Variants in PCGF5 observed in about 807,000 individuals in gnomAD.
PCGF5 encodes the protein polycomb group ring finger 5, also known as polycomb group RING finger protein 5.
PCGF5 carries 9 observed loss-of-function variants against 44.3 expected under a neutral mutation model. The observed-to-expected ratio is 0.20, with a 90% CI of 0.12 to 0.35. The LOEUF (loss-of-function observed/expected upper bound fraction) is 0.35. Among genes scored for constraint, PCGF5 ranks in the 10% least tolerant of loss-of-function variants. The pLI is 1.00. For missense variants in PCGF5, 146 were observed against 305.3 expected, an observed-to-expected ratio of 0.48 and a Z score of 3.89; for synonymous variants, 95 against 102.5, an observed-to-expected ratio of 0.93 and a Z score of 0.44.
At position 91,280,718 on chromosome 10, in the gene PCGF5, TTCATGTCTAGTAATACACTGTATTCCC is replaced by T. The variant is rs1846433817; in HGVS notation, c.*2403_*2429del. 6.6e-6 allele frequency: 1 copy of T among 152,360 alleles called. No homozygotes were observed. Among genetic ancestry groups the T allele is most frequent in the African/African-American group, 2.4e-5 (1 of 41,454 alleles). 9.4% of individuals were successfully genotyped at this position (152,360 alleles called of 1,614,324 possible). Reference sequence around the variant, plus strand: ...ACAGCTTTCTAAGGATAGGACTACTTTCATGTCTAGTAATACACTGTATTCCCCGTTAATTATCCCTTAAGTCAGATT... The same window carrying T: ...ACAGCTTTCTAAGGATAGGACTACTTCGTTAATTATCCCTTAAGTCAGATT... On this transcript the variant is annotated 3_prime_UTR_variant, in exon 10 of 10. Transcript: ENST00000336126.
At chr10:91,207,801 T>G (rs12220699) in intron 1 of PCGF5, among the ~76,000 whole-genome samples, 38 of 152,160 alleles carry the variant, frequency 2.5e-4, no homozygotes, top group African/African-American at 8.9e-4. Flanking sequence ...TCCAAATGAT[T>G]ATAGTCAGGA....
rs148939327 is a variant in PCGF5, at chr10:91,265,357, C to A, written c.663+837C>A. On this transcript the variant is annotated intron_variant, in intron 8 of 9. Transcript: ENST00000336126. ...TGCTATCAGAAATTATCTTCATAAT[C>A]TGAGTGCATAAATAAATAAATATGA... Among the ~76,000 whole-genome samples the A allele has an allele frequency of 3.9e-5, 6 of 152,164 alleles. No individual in the cohort carries two copies. The East Asian group carries it at 1.2e-3, about 29-fold the overall frequency.
upstream of PCGF5, among the ~76,000 whole-genome samples, chr10:91,216,995 A>AATTAAAATAAAG (rs1844552911): frequency 6.6e-6 from 1 of 152,224 alleles, no homozygotes; most frequent in African/African-American, 2.4e-5. Flanking sequence ...TAAAATATTA[A>AATTAAAATAAAG]ACAGCATTCT....
At chr10:91,224,824 G>A (rs1035901827) in intron 2 of PCGF5, among the ~76,000 whole-genome samples, 1 of 152,130 alleles carries the variant, frequency 6.6e-6, no homozygotes, top group African/African-American at 2.4e-5. Flanking sequence ...GGAGAAGGGT[G>A]GTTGTATTGT....
chr10:91,261,028 T>C (rs1845896828), intron 6 of PCGF5, among the ~76,000 whole-genome samples: 1 of 146,318 alleles, frequency 6.8e-6, no homozygotes, highest in Non-Finnish European at 1.5e-5. Context: ...GTGACCTTTT[T>C]TTCTTTTTAA....
intron 1 of PCGF5, among the ~76,000 whole-genome samples, chr10:91,186,954 A>G (rs1314812956): frequency 6.6e-6 from 1 of 152,222 alleles, no homozygotes. Context: ...TCGCTAGGCC[A>G]GTGATTCTCA....
chr10:91,251,506 C>T, intron 6 of PCGF5, 66 bp downstream of exon 6: 1 of 1,452,570 alleles, frequency 6.9e-7, no homozygotes, highest in South Asian at 1.2e-5. Flanking sequence ...AATTTGTTGA[C>T]AAATTTTCTA....
chr10:91,234,559 T>C (rs1042707258), intron 2 of PCGF5, among the ~76,000 whole-genome samples: 5 of 152,206 alleles, frequency 3.3e-5, no homozygotes, highest in Non-Finnish European at 5.9e-5. Context: ...ACATTTCAAG[T>C]TCCATCGGCA....
intron 3 of PCGF5, among the ~76,000 whole-genome samples, chr10:91,240,950 A>T (rs868246092): frequency 3.7e-4 from 56 of 151,190 alleles, no homozygotes; most frequent in African/African-American, 1.3e-3. Context: ...TTAATTTACC[A>T]TATATTCAAA....
chr10:91,230,368 G>C (rs1046789393), intron 2 of PCGF5, among the ~76,000 whole-genome samples: 1 of 152,092 alleles, frequency 6.6e-6, no homozygotes, highest in Admixed American at 6.6e-5. Flanking sequence ...TAAACAATTA[G>C]TCTAACTTTG....
At chr10:91,171,607 T>C (rs1008085970) in intron 1 of PCGF5, among the ~76,000 whole-genome samples, 1 of 152,080 alleles carries the variant, frequency 6.6e-6, no homozygotes, top group Non-Finnish European at 1.5e-5. Flanking sequence ...CAAGTGACAC[T>C]AGAGTGTCGA....
intron 2 of PCGF5, among the ~76,000 whole-genome samples, chr10:91,234,206 A>G (rs1845089654): frequency 6.6e-6 from 1 of 152,232 alleles, no homozygotes; most frequent in South Asian, 2.1e-4. Context: ...ATCAACATGT[A>G]ATAGTGCATC....
intron 1 of PCGF5, among the ~76,000 whole-genome samples, chr10:91,197,123 G>A (rs1001394715): frequency 6.6e-6 from 1 of 152,170 alleles, no homozygotes; most frequent in African/African-American, 2.4e-5. Context: ...AAAACTTAAC[G>A]ATTTCAAACA....
At chr10:91,191,089 A>G (rs1844024436) in intron 1 of PCGF5, among the ~76,000 whole-genome samples, 1 of 152,224 alleles carries the variant, frequency 6.6e-6, no homozygotes, top group Admixed American at 6.5e-5. Flanking sequence ...ACCATGGATA[A>G]TACTGAACCC....
chr10:91,271,473 T>C (rs1164290276), intron 8 of PCGF5, among the ~76,000 whole-genome samples, 165 bp from the exon 9 acceptor site: 3 of 152,246 alleles, frequency 2.0e-5, no homozygotes, highest in African/African-American at 7.2e-5. Context: ...TACTAAGTTA[T>C]TAAAATCTTT....
chr10:91,175,604 A>G (rs897390462), intron 1 of PCGF5, among the ~76,000 whole-genome samples: 2 of 152,230 alleles, frequency 1.3e-5, no homozygotes, highest in Admixed American at 1.3e-4. Context: ...GTAAATGAAT[A>G]GGAGACATTG....
At chr10:91,159,643 T>C (rs1043711190), upstream of PCGF5, among the ~76,000 whole-genome samples, 1 of 152,226 alleles carries the variant, frequency 6.6e-6, no homozygotes. Flanking sequence ...ACCCAGTTTA[T>C]GGTAGTTTGT....
intron 2 of PCGF5, chr10:91,227,875 C>G: frequency 3.0e-6 from 3 of 983,992 alleles, no homozygotes; most frequent in Non-Finnish European, 3.6e-6. Context: ...AAACTCATCC[C>G]CTCTAAGATG....
intron 1 of PCGF5, among the ~76,000 whole-genome samples, chr10:91,193,164 A>G (rs1444362692): frequency 3.3e-5 from 5 of 152,276 alleles, no homozygotes; most frequent in African/African-American, 7.2e-5. Context: ...ATGGCCTCCA[A>G]TGAAATGGGG....
Sources: allele counts gnomAD v4.1 joint callset (sites outside exome capture counted in the v4.1 genomes callset), GRCh38; gene constraint gnomAD v4.1.1; transcripts MANE v1.5; gene names NCBI Gene and HGNC (gene_info 2026-07-23, HGNC 2026-07-21).